CENPE: variants seen among roughly 807,000 people sequenced by gnomAD.
CENPE encodes the protein centromere protein E.
In CENPE, 145 loss-of-function variants were observed where a neutral mutation model predicts 336.1. That is an observed-to-expected ratio of 0.43 (90% confidence interval 0.38 to 0.50). CENPE has a LOEUF of 0.50. Among genes scored for constraint, CENPE ranks in the 20% least tolerant of loss-of-function variants. The probability of loss-of-function intolerance (pLI) is 0.00; values close to 1 mark genes in which losing one functional copy is unlikely to be tolerated. For synonymous variants in CENPE, 1,013 were observed against 984.8 expected (o/e 1.03, Z -0.54); for missense variants, 2,719 against 3,023.3 (o/e 0.90, Z 2.36).
chr4:103,112,026 A>T (rs926298867), intron 46 of CENPE, among the ~76,000 whole-genome samples: 1 of 151,706 alleles, frequency 6.6e-6, no homozygotes, highest in Non-Finnish European at 1.5e-5. Flanking sequence ...ACACTTTTTT[A>T]AAAAAGACAC....
At chr4:103,114,111 G>A (rs1167584410) in intron 46 of CENPE, among the ~76,000 whole-genome samples, 1 of 152,012 alleles carries the variant, frequency 6.6e-6, no homozygotes, top group South Asian at 2.1e-4. Context: ...TAAAATCTAC[G>A]AAGACATGTG....
At position 103,110,866 on chromosome 4, in the gene CENPE, T is replaced by C. The variant is rs1341923255; in HGVS notation, c.7686A>G (p.Gln2562=). ...TCTTTTGTTTTATTAGCTGTTCATT[T>C]TGCTGCTTTAACTTAGAAATTTCTT... ...LEKEISKLKQ[Q]NEQLIKQKNE... is the part of the protein sequence containing the mutation. The change falls in exon 47 of 49, where the codon CAA becomes CAG. Residue 2562 remains glutamine (Q), a synonymous_variant. Coordinates refer to ENST00000265148, the MANE Select transcript of CENPE (RefSeq NM_001813.3). The C allele has an allele frequency of 1.2e-6, 2 of 1,606,280 alleles. No homozygotes were observed. Among genetic ancestry groups the C allele is most frequent in the Middle Eastern group, 1.7e-4 (1 of 5,982 alleles).
chr4:103,113,344 G>A (rs1476932241), intron 46 of CENPE, among the ~76,000 whole-genome samples: 9 of 141,000 alleles, frequency 6.4e-5, no homozygotes, highest in Non-Finnish European at 1.2e-4. Flanking sequence ...GAGTATATAA[G>A]TACATATACT....
chr4:103,130,912 A>G (rs1456604586), intron 42 of CENPE, among the ~76,000 whole-genome samples: 1 of 87,298 alleles, frequency 1.1e-5, no homozygotes, highest in South Asian at 2.8e-4. Context: ...TCTACAAGCG[A>G]AAAAAAAAAA....
intron 43 of CENPE, 34 bp downstream of exon 43, chr4:103,122,837 C>T (rs1750756740): frequency 1.3e-6 from 2 of 1,512,980 alleles, no homozygotes; most frequent in South Asian, 1.1e-5. Context: ...GATGAAGCTG[C>T]AAACTGAAGA....
At chr4:103,177,773 C>T (rs1351595379) in intron 13 of CENPE, among the ~76,000 whole-genome samples, 5 of 151,860 alleles carry the variant, frequency 3.3e-5, no homozygotes, top group African/African-American at 1.2e-4. Context: ...TCTCTGAGTG[C>T]TGTCCTTCTG....
chr4:103,183,732 C>T (rs1024521125), intron 9 of CENPE, among the ~76,000 whole-genome samples: 12 of 152,126 alleles, frequency 7.9e-5, no homozygotes, highest in Non-Finnish European at 1.5e-4. Flanking sequence ...AAAAAGCTCC[C>T]TTCCACTTTT....
rs1433051076 is a variant in CENPE at position 103,195,103 on chromosome 4, C to T, written c.477+11G>A. On this transcript the variant is annotated intron_variant, in intron 5 of 48. Transcript: ENST00000265148. ...AGTCAATTTTAAAGCTCCCTTAAGT[C>T]TGCTACTCACATTGACATCTTCTCG... is the stretch of plus-strand genomic sequence containing the variant. 3 of 1,571,808 alleles carry T rather than the reference C, an allele frequency of 1.9e-6. No homozygotes were observed. Among genetic ancestry groups the T allele is most frequent in the Non-Finnish European group, 2.6e-6 (3 of 1,168,468 alleles).
At chr4:103,115,769 C>T (rs1185231757) in intron 45 of CENPE, among the ~76,000 whole-genome samples, 2 of 145,184 alleles carry the variant, frequency 1.4e-5, no homozygotes, top group East Asian at 2.0e-4. Context: ...CTCACTCTGT[C>T]GCCCAGGCTG....
intron 13 of CENPE, among the ~76,000 whole-genome samples, chr4:103,179,980 A>G (rs1756194739): frequency 6.6e-6 from 1 of 152,252 alleles, no homozygotes. Flanking sequence ...TCCTGAGATT[A>G]ATATTTCTGT....
At chr4:103,185,649 T>C (rs1211987504) in intron 9 of CENPE, among the ~76,000 whole-genome samples, 161 bp downstream of exon 9, 1 of 152,128 alleles carries the variant, frequency 6.6e-6, no homozygotes, top group Non-Finnish European at 1.5e-5. Flanking sequence ...CAGATGCTGA[T>C]TTCTATGTTA....
chr4:103,120,387 A>G, intron 43 of CENPE, 54 bp from the exon 44 acceptor site: 3 of 1,437,504 alleles, frequency 2.1e-6, no homozygotes, highest in Non-Finnish European at 2.8e-6. Flanking sequence ...GAATCACAGT[A>G]TAGAAATTTG....
chr4:103,174,809 T>C lies in CENPE; in HGVS notation c.1574A>G (p.Glu525Gly). ...ATCATTCTTTTCTTTTAATTTCAAT[T>C]CCATTTCTTCTTTTTCTGTTCGTAG... ...EQLRTEKEEM[E>G]LKLKEKNDLD... The change falls in exon 16 of 49, where the codon GAA becomes GGA. Residue 525 changes from glutamate to glycine, a missense_variant. Transcript: ENST00000265148. 1 of 1,551,454 alleles carries C rather than the reference T, an allele frequency of 6.4e-7. No individual in the cohort carries two copies. The highest frequency in any genetic ancestry group is 1.9e-4 in the Middle Eastern group (1 of 5,358).
In CENPE at chr4:103,145,969, C is replaced by T. The variant is rs116330917; in HGVS notation, c.4273G>A (p.Gly1425Arg). 1.3e-4 allele frequency: 208 copies of T among 1,613,872 alleles called. 1 individual carries two copies. In the African/African-American group the frequency reaches 2.2e-3, roughly 17 times the overall value. ...CTTTCTTGAAGTCTTTTGGACAATC[C>T]GAGCATTTCTATTTCTATCCTTAGT... ...ALLRIEIEML[G>R]LSKRLQESHD... Residue 1425 changes from glycine to arginine, a missense_variant, in exon 30 of 49, where the codon GGA becomes AGA. Physicochemically the swap from Gly to Arg is moderately radical, Grantham distance 125. This residue lies in a region of CENPE where 2,437 missense variants were observed against 2,513.3 expected (regional missense o/e 0.97). Coordinates refer to ENST00000265148, the MANE Select transcript of CENPE (RefSeq NM_001813.3).
At position 103,146,098 on chromosome 4, in the gene CENPE, A is replaced by T. The variant is rs769404266; in HGVS notation, c.4144T>A (p.Ser1382Thr). The change falls in exon 30 of 49, where the codon TCT (serine) becomes ACT (threonine). Residue 1382 changes from serine to threonine, a missense_variant. Ser to Thr is a moderately conservative substitution (Grantham distance 58). Coordinates refer to ENST00000265148, the MANE Select transcript of CENPE (RefSeq NM_001813.3). ...IRETLAKIQE[S>T]QSKQEQSLNM... ...AAGGACTGTTCTTGTTTGCTTTGAG[A>T]CTCCTGGATCTTAAGAGAATCATAA... The T allele has an allele frequency of 6.2e-7, 1 of 1,612,332 alleles. No individual in the cohort carries two copies. Among genetic ancestry groups the T allele is most frequent in the Non-Finnish European group, 8.5e-7 (1 of 1,179,500 alleles).
At chr4:103,192,059 T>C (rs771236988) in intron 8 of CENPE, among the ~76,000 whole-genome samples, 2 of 151,876 alleles carry the variant, frequency 1.3e-5, no homozygotes, top group Non-Finnish European at 2.9e-5. Flanking sequence ...TTATTGTTTT[T>C]TTAATCTCAG....
chr4:103,180,322 G>A lies in CENPE; in HGVS notation c.1231C>T (p.Gln411Ter). 1.2e-6 allele frequency: 2 copies of A among 1,609,534 alleles called. No homozygotes were observed. The highest frequency in any genetic ancestry group is 1.7e-6 in the Non-Finnish European group (2 of 1,177,630). ...TCTTTTAATTTTACCTTTAATTCCTGTTGCAACGTGAGGGAAGAAGAGGTC... is the reference window on the plus strand; with the variant it reads ...TCTTTTAATTTTACCTTTAATTCCTATTGCAACGTGAGGGAAGAAGAGGTC... ...LVTSSSLTLQQELKAKRKRRV... is the reference protein window; with the variant it reads ...LVTSSSLTLQ The change falls in exon 13 of 49, where the codon CAG becomes TAG. Residue 411 changes from glutamine (Q) to a stop codon, truncating the protein, a stop_gained. Coordinates refer to ENST00000265148, the MANE Select transcript of CENPE (RefSeq NM_001813.3). LOFTEE classifies it high-confidence loss of function.
chr4:103,161,467 T>C lies in CENPE; in HGVS notation c.1843-10A>G, dbSNP rs1358034438. 1.9e-6 allele frequency: 3 copies of C among 1,564,680 alleles called. No individual in the cohort carries two copies. Among genetic ancestry groups the C allele is most frequent in the Middle Eastern group, 1.7e-4 (1 of 5,866 alleles). ...GGTCTTCAATGCTTTCCTAGACAGA[T>C]GACAAAAGGGGTTCACTGAAATCTA... On this transcript the variant is annotated splice_polypyrimidine_tract_variant and intron_variant, in intron 18 of 48. Transcript: ENST00000265148.
Position 103,161,332 on chromosome 4 carries a change from T to TA in CENPE, c.1965+2dup. Reference sequence around the variant, plus strand: ...TATTATAAATATTACAAAAAATACTTACCATTTTCTCCTTCAGCTCCAGAT... The same window carrying TA: ...TATTATAAATATTACAAAAAATACTTAACCATTTTCTCCTTCAGCTCCAGAT... On this transcript the variant is annotated splice_region_variant and intron_variant, in intron 19 of 48. Transcript: ENST00000265148. 1.2e-6 allele frequency: 2 copies of TA among 1,608,532 alleles called. No individual in the cohort carries two copies. Among genetic ancestry groups the TA allele is most frequent in the South Asian group, 1.1e-5 (1 of 89,832 alleles).
Sources: gnomAD v4.1 joint callset for allele counts (sites outside exome capture counted in the v4.1 genomes callset) on GRCh38, gnomAD v4.1.1 for gene constraint, gnomAD v4.1.1 regional missense constraint, MANE v1.5 for transcripts, NCBI Gene and HGNC (gene_info 2026-07-23, HGNC 2026-07-21) for gene names.